Variants in ANK3 observed in about 807,000 individuals in gnomAD.
ANK3 encodes ankyrin 3, also known as ankyrin-3.
In ANK3, 57 loss-of-function variants were observed where a neutral mutation model predicts 370.9. The ratio of observed to expected loss-of-function variants is 0.15; its 90% CI spans 0.12 to 0.19. ANK3 has a LOEUF of 0.19. Among genes scored for constraint, ANK3 ranks in the 10% least tolerant of loss-of-function variants. The pLI is 1.00. For missense variants in ANK3, 4,439 were observed against 5,302.1 expected (o/e 0.84, Z 5.06); for synonymous variants, 1,929 against 1,946.3 (o/e 0.99, Z 0.23).
intron 2 of ANK3, among the ~76,000 whole-genome samples, chr10:60,607,977 C>G (rs1376314392): frequency 6.6e-6 from 1 of 152,128 alleles, no homozygotes; most frequent in Non-Finnish European, 1.5e-5. Context: ...AAATGTCATA[C>G]CTGGAAATCC....
chr10:60,069,725 C>A lies in ANK3; in HGVS notation c.11156G>T (p.Arg3719Leu), dbSNP rs748061808. The change falls in exon 37 of 44, where the codon CGC (arginine) becomes CTC (leucine). Residue 3719 changes from arginine to leucine, a missense_variant. Coordinates refer to ENST00000280772, the MANE Select transcript of ANK3 (RefSeq NM_020987.5). Reference sequence around the variant, plus strand: ...AGAAATTCCCATTTTTATAGGCGTGCGCAACTTGGGGTCAACTTTAGAGGT... The same window carrying A: ...AGAAATTCCCATTTTTATAGGCGTGAGCAACTTGGGGTCAACTTTAGAGGT... ...TNTSKVDPKLRTPIKMGISAS... is the reference protein window; with the variant it reads ...TNTSKVDPKLLTPIKMGISAS... 7.4e-6 allele frequency: 12 copies of A among 1,613,476 alleles called. No individual in the cohort carries two copies. In the Admixed American group the frequency reaches 2.0e-4, roughly 27 times the overall value.
At chr10:60,179,043 A>T (rs2096065206) in intron 18 of ANK3, among the ~76,000 whole-genome samples, 1 of 152,142 alleles carries the variant, frequency 6.6e-6, no homozygotes, top group African/African-American at 2.4e-5. Flanking sequence ...TTTTATTATT[A>T]TTAATTATTT....
chr10:60,698,301 G>C (rs974632091), intron 1 of ANK3, among the ~76,000 whole-genome samples: 1 of 150,690 alleles, frequency 6.6e-6, no homozygotes, highest in African/African-American at 2.4e-5. Context: ...TACACTGTTG[G>C]TGGGACTGTA....
chr10:60,618,222 T>G (rs2078290166), intron 1 of ANK3, among the ~76,000 whole-genome samples: 2 of 152,128 alleles, frequency 1.3e-5, no homozygotes, highest in Non-Finnish European at 2.9e-5. Context: ...TATAATGTAG[T>G]CAGTCTCCAA....
rs139341119 is a variant in ANK3, at chr10:60,068,977, G to A, written c.11904C>T (p.Thr3968=). ...CVTTTTTTAT[T]TTTTTTTTTT... is the part of the protein sequence containing the mutation. ...TGGTGGTAGTGGTGGTAGTGGTGGTGGTGGTGGCAGTGGTGGTGGTGGTAG... is the reference window on the plus strand; with the variant it reads ...TGGTGGTAGTGGTGGTAGTGGTGGTAGTGGTGGCAGTGGTGGTGGTGGTAG... The change falls in exon 37 of 44, where the codon ACC becomes ACT. Residue 3968 remains threonine (T), a synonymous_variant. Transcript: ENST00000280772. 6.2e-6 allele frequency: 10 copies of A among 1,613,640 alleles called. No individual in the cohort carries two copies. In the South Asian group the frequency reaches 9.9e-5, roughly 16 times the overall value.
At chr10:60,321,350 C>G (rs1475461842) in intron 1 of ANK3, among the ~76,000 whole-genome samples, 2 of 146,620 alleles carry the variant, frequency 1.4e-5, no homozygotes, top group African/African-American at 2.5e-5. Flanking sequence ...CAGTAAGACC[C>G]TATCTCAAAA....
intron 2 of ANK3, among the ~76,000 whole-genome samples, chr10:60,568,688 T>A (rs115831949): frequency 2.3e-3 from 344 of 152,320 alleles, no homozygotes; most frequent in African/African-American, 7.4e-3. Context: ...ACCTGGATAG[T>A]ATACCCTTCT....
chr10:60,535,492 T>C (rs2076703600), intron 2 of ANK3, among the ~76,000 whole-genome samples: 1 of 152,062 alleles, frequency 6.6e-6, no homozygotes, highest in South Asian at 2.1e-4. Context: ...TGGTGGGCTA[T>C]ATATAGTAGA....
At chr10:60,209,298 T>C (rs986002495) in intron 9 of ANK3, among the ~76,000 whole-genome samples, 1 of 152,182 alleles carries the variant, frequency 6.6e-6, no homozygotes, top group African/African-American at 2.4e-5. Context: ...ACAGATCAAA[T>C]ATGTACCAAG....
At chr10:60,519,675 C>T (rs933585874) in intron 2 of ANK3, among the ~76,000 whole-genome samples, 3 of 152,174 alleles carry the variant, frequency 2.0e-5, no homozygotes, top group East Asian at 1.9e-4. Flanking sequence ...AATGTATATT[C>T]GACACCTACT....
intron 1 of ANK3, among the ~76,000 whole-genome samples, chr10:60,304,758 G>A (rs1359301755): frequency 6.6e-6 from 1 of 152,160 alleles, no homozygotes; most frequent in East Asian, 1.9e-4. Context: ...AAAATTGAGA[G>A]ACTGCACATC....
At chr10:60,655,939 G>C (rs1221397506) in intron 1 of ANK3, among the ~76,000 whole-genome samples, 1 of 152,272 alleles carries the variant, frequency 6.6e-6, no homozygotes. Flanking sequence ...ATGCTACACA[G>C]GTTTGTAACT....
At position 60,043,304 on chromosome 10, in the gene ANK3, TCA is replaced by T. The variant is rs1491296712; in HGVS notation, c.13066-547_13066-546del. The T allele has an allele frequency of 6.1e-6, 6 of 985,270 alleles. No individual in the cohort carries two copies. In the African/African-American group the frequency reaches 1.0e-4, roughly 17 times the overall value. 61.0% of individuals were successfully genotyped at this position (985,270 alleles called of 1,614,324 possible). ...GAGAGCAAGGTTGTGGCACAAATAC[TCA>T]GTTTTTACCCAATTTTTAACAGAAA... On this transcript the variant is annotated intron_variant, in intron 42 of 43. Transcript: ENST00000280772.
chr10:60,049,844 G>A (rs1748763010), intron 42 of ANK3, among the ~76,000 whole-genome samples: 1 of 152,016 alleles, frequency 6.6e-6, no homozygotes, highest in African/African-American at 2.4e-5. Context: ...TATTGTTTTT[G>A]TTTTCTCAGA....
intron 2 of ANK3, among the ~76,000 whole-genome samples, chr10:60,538,983 A>C (rs2076785950): frequency 6.6e-6 from 1 of 151,922 alleles, no homozygotes; most frequent in African/African-American, 2.4e-5. Flanking sequence ...TTCTTTAAAC[A>C]TAGCGCACAG....
intron 1 of ANK3, among the ~76,000 whole-genome samples, chr10:60,642,515 A>G (rs1178189757): frequency 2.0e-5 from 3 of 152,152 alleles, no homozygotes; most frequent in Admixed American, 6.5e-5. Flanking sequence ...CATCATTCTC[A>G]GTAAACTATC....
intron 7 of ANK3, among the ~76,000 whole-genome samples, chr10:60,236,150 GT>G (rs150052113): frequency 1.1e-4 from 17 of 150,666 alleles, no homozygotes; most frequent in African/African-American, 3.2e-4. Flanking sequence ...GCTCCCTACT[GT>G]TTTTTTTTCT....
At chr10:60,633,535 T>C (rs2078512793) in intron 1 of ANK3, among the ~76,000 whole-genome samples, 1 of 152,166 alleles carries the variant, frequency 6.6e-6, no homozygotes, top group African/African-American at 2.4e-5. Flanking sequence ...AATATGAACA[T>C]ATATATTTAA....
At chr10:60,304,673 T>C (rs1210105911) in intron 1 of ANK3, among the ~76,000 whole-genome samples, 1 of 152,130 alleles carries the variant, frequency 6.6e-6, no homozygotes, top group African/African-American at 2.4e-5. Flanking sequence ...TTATATACTT[T>C]AAATATATAC....
Sources: gnomAD v4.1 joint callset for allele counts (sites outside exome capture counted in the v4.1 genomes callset) on GRCh38, gnomAD v4.1.1 for gene constraint, MANE v1.5 for transcripts, NCBI Gene and HGNC (gene_info 2026-07-23, HGNC 2026-07-21) for gene names.